The following ZNF541 variants were observed in gnomAD, a reference collection of about 807,000 sequenced individuals.
ZNF541 encodes zinc finger protein 541.
Under a neutral mutation model 123.5 loss-of-function variants are expected in ZNF541, and 23 were observed. The ratio of observed to expected loss-of-function variants is 0.19; its 90% CI spans 0.13 to 0.26. The LOEUF is 0.26. Ranked by LOEUF, ZNF541 falls within the 10% of genes least tolerant of loss-of-function variation. The pLI, the probability that ZNF541 is intolerant of heterozygous loss-of-function variation, is 1.00. For missense variants in ZNF541, 1,612 were observed against 1,789.9 expected (o/e 0.90, Z 1.79); for synonymous variants, 751 against 754.5 (o/e 1.00, Z 0.08).
In ZNF541 at chr19:47,540,281, G is replaced by A. The variant is rs1346246136; in HGVS notation, c.2517C>T (p.Val839=). 1 of 1,552,040 alleles carries A rather than the reference G, an allele frequency of 6.4e-7. No homozygotes were observed. The highest frequency in any genetic ancestry group is 2.0e-5 in the Admixed American group (1 of 51,000). Residue 839 remains valine (V), a synonymous_variant, in exon 7 of 17, where the codon GTC becomes GTT. Transcript: ENST00000391901. ...TDWTKPRSTF[V]CKNCSQMFYT... is the part of the protein sequence containing the mutation. ...AAAACATCTGGCTGCAGTTCTTGCA[G>A]ACAAAAGTGCTCCTGGGCTTCGTCC...
At chr19:47,569,093 T>G (rs1380892299) in intron 2 of ZNF541, among the ~76,000 whole-genome samples, 1 of 152,154 alleles carries the variant, frequency 6.6e-6, no homozygotes, top group Admixed American at 6.6e-5. Context: ...TATATGGATT[T>G]CTGGTTTCTT....
intron 5 of ZNF541, among the ~76,000 whole-genome samples, chr19:47,541,791 G>A (rs992249768): frequency 6.6e-6 from 1 of 152,220 alleles, no homozygotes; most frequent in African/African-American, 2.4e-5. Flanking sequence ...AGAATGTGGA[G>A]CCCTCATACA....
In ZNF541 at chr19:47,539,837, C is replaced by T. The variant is rs1056915684; in HGVS notation, c.2664G>A (p.Leu888=). The change falls in exon 8 of 17, where the codon CTG becomes CTA. Residue 888 remains leucine, a synonymous_variant. Coordinates refer to ENST00000391901, the MANE Select transcript of ZNF541 (RefSeq NM_001277075.3). The part of the protein sequence containing the change: ...TEFCKPLRQV[L]RPEGDRHSPP... ...GACTATGCCTGTCCCCTTCTGGCCT[C>T]AGCACCTGTCTTAGCGGCTTGCAAA... is the stretch of plus-strand genomic sequence containing the variant. 7 of 1,511,558 alleles carry T rather than the reference C, an allele frequency of 4.6e-6. No individual in the cohort carries two copies. Among genetic ancestry groups the T allele is most frequent in the East Asian group, 5.1e-5 (2 of 38,992 alleles). The allele number at this position is 1,511,558 out of a possible 1,614,324, so 93.6% of individuals were successfully genotyped here.
Position 47,545,902 on chromosome 19 carries a change from G to A in ZNF541, c.627C>T (p.Asp209=), listed in dbSNP as rs771890709. The change falls in exon 5 of 17, where the codon GAC becomes GAT. Residue 209 remains aspartate, a synonymous_variant. Coordinates refer to ENST00000391901, the MANE Select transcript of ZNF541 (RefSeq NM_001277075.3). This position sits in a 1 kb window ranked among gnomAD's most constrained non-coding sequence, Gnocchi z 7.5. ...CGTAGTGCCGGCGCAGAGAGCGGTA[G>A]TCGCAGTAGCTCTTGCTGCAGCCCT... is the stretch of plus-strand genomic sequence containing the variant. ...IEQGCSKSYC[D]YRSLRRHYEV... is the part of the protein sequence containing the mutation. The A allele has an allele frequency of 7.8e-6, 12 of 1,546,996 alleles. No individual in the cohort carries two copies. The highest frequency in any genetic ancestry group is 1.0e-5 in the Non-Finnish European group (12 of 1,144,816).
intron 2 of ZNF541, among the ~76,000 whole-genome samples, chr19:47,561,648 C>CT (rs1408589422): frequency 6.6e-6 from 1 of 151,950 alleles, no homozygotes; most frequent in Non-Finnish European, 1.5e-5. Context: ...TGTTAACCGC[C>CT]TGCCTGAGTG....
At chr19:47,546,551 CA>C (rs796607506) in intron 4 of ZNF541, among the ~76,000 whole-genome samples, 116 of 143,716 alleles carry the variant, frequency 8.1e-4, no homozygotes, top group African/African-American at 1.2e-3. Context: ...TTAAAAAATA[CA>C]AAAAAAAAAA....
chr19:47,535,780 T>C lies in ZNF541; in HGVS notation c.3094+2362A>G, dbSNP rs575861421. On this transcript the variant is annotated intron_variant, in intron 9 of 16. Transcript: ENST00000391901. ...CTCTTTCGCCCAGGCTAAAGTGAAATGGCATGGTCTCGGCTTACTGCAACC... is the reference window on the plus strand; with the variant it reads ...CTCTTTCGCCCAGGCTAAAGTGAAACGGCATGGTCTCGGCTTACTGCAACC... Among the ~76,000 whole-genome samples the C allele has an allele frequency of 3.0e-4, 45 of 149,016 alleles. No individual in the cohort carries two copies. The South Asian group carries it at 3.9e-3, about 13-fold the overall frequency.
intron 2 of ZNF541, among the ~76,000 whole-genome samples, chr19:47,566,823 G>A (rs540437652): frequency 2.6e-5 from 4 of 151,860 alleles, no homozygotes; most frequent in Admixed American, 6.6e-5. Context: ...AGGCTGAGGC[G>A]GGCGGATCAC....
intron 9 of ZNF541, among the ~76,000 whole-genome samples, chr19:47,536,635 C>A (rs1046182596): frequency 1.3e-5 from 2 of 152,144 alleles, no homozygotes; most frequent in African/African-American, 4.8e-5. Flanking sequence ...GGGTGCATGC[C>A]TGTAGGCCCA....
rs1273983237 is a variant in ZNF541, at chr19:47,546,464, A to T, written c.549-484T>A. 3.3e-5 allele frequency among the ~76,000 whole-genome samples: 5 copies of T among 151,536 alleles called. No homozygotes were observed. In the East Asian group the frequency reaches 9.9e-4, roughly 30 times the overall value. ...ATGAAGTGCATTGCAGTGAGCCGAG[A>T]TCACACCACTGCACTCCAGCCTGGG... On this transcript the variant is annotated intron_variant, in intron 4 of 16. Transcript: ENST00000391901.
chr19:47,545,239 C>T lies in ZNF541; in HGVS notation c.1290G>A (p.Val430=). The change falls in exon 5 of 17, where the codon GTG becomes GTA. Residue 430 remains valine (V), a synonymous_variant. Coordinates refer to ENST00000391901, the MANE Select transcript of ZNF541 (RefSeq NM_001277075.3). This position sits in a 1 kb window ranked among gnomAD's most constrained non-coding sequence, Gnocchi z 7.5. ...CGGCCGAGGGCTTGTGGACAACAAA[C>T]ACGTTGTTGCCTTTGCTTTTGGGAC... ...PGCPKSKGNN[V]FVVHKPSAVP... 1.3e-6 allele frequency: 2 copies of T among 1,547,476 alleles called. No individual in the cohort carries two copies. The highest frequency in any genetic ancestry group is 2.4e-5 in the South Asian group (2 of 83,978).
chr19:47,549,302 T>C lies in ZNF541; in HGVS notation c.491A>G (p.Gln164Arg). The change falls in exon 4 of 17, where the codon CAG becomes CGG. Residue 164 changes from glutamine (Q) to arginine (R), a missense_variant. Physicochemically the swap from Gln to Arg is conservative, Grantham distance 43. Coordinates refer to ENST00000391901, the MANE Select transcript of ZNF541 (RefSeq NM_001277075.3). ...SLSKHYLTHSQERKHVCKICS... is the reference protein window; with the variant it reads ...SLSKHYLTHSRERKHVCKICS... ...GATTTTGCAGACGTGCTTCCTTTCC[T>C]GGCTGTGTGTCAGGTAGTGCTTGCT... 1.3e-6 allele frequency: 2 copies of C among 1,551,952 alleles called. No homozygotes were observed. The highest frequency in any genetic ancestry group is 1.7e-6 in the Non-Finnish European group (2 of 1,147,040).
Position 47,540,931 on chromosome 19 carries a change from G to C in ZNF541, c.2424C>G (p.Leu808=). The C allele has an allele frequency of 1.3e-6, 2 of 1,550,926 alleles. No homozygotes were observed. The highest frequency in any genetic ancestry group is 1.7e-6 in the Non-Finnish European group (2 of 1,146,750). The change falls in exon 6 of 17, where the codon CTC becomes CTG. Residue 808 remains leucine, a synonymous_variant. Coordinates refer to ENST00000391901, the MANE Select transcript of ZNF541 (RefSeq NM_001277075.3). ...SRIQGGNIYR[L]PHPVKEENVA... ...CATTCTCTTCCTTCACCGGATGGGG[G>C]AGCCTGTAGATGTTTCCACCCTGAA...
Position 47,545,296 on chromosome 19 carries a change from G to C in ZNF541, c.1233C>G (p.His411Gln), listed in dbSNP as rs1970289316. 1 of 1,549,628 alleles carries C rather than the reference G, an allele frequency of 6.5e-7. No homozygotes were observed. The highest frequency in any genetic ancestry group is 8.7e-7 in the Non-Finnish European group (1 of 1,146,770). ...GCAGGTTCCGGAGCCACTGGAAGCT[G>C]TGGCTCGATGGCTGGGAACTGGCAG... ...TVPASSQPSS[H>Q]SFQWLRNLPG... The change falls in exon 5 of 17, where the codon CAC (histidine) becomes CAG (glutamine). Residue 411 changes from histidine (H) to glutamine (Q), a missense_variant. His to Gln is a conservative substitution (Grantham distance 24). Coordinates refer to ENST00000391901, the MANE Select transcript of ZNF541 (RefSeq NM_001277075.3). This position sits in a 1 kb window ranked among gnomAD's most constrained non-coding sequence, Gnocchi z 7.5.
chr19:47,564,353 C>T (rs1971181361), intron 2 of ZNF541, among the ~76,000 whole-genome samples: 1 of 152,212 alleles, frequency 6.6e-6, no homozygotes, highest in Non-Finnish European at 1.5e-5. Flanking sequence ...GACAGTAAAG[C>T]AAAACCCTCT....
chr19:47,527,785 C>T (rs1159193026), intron 14 of ZNF541, among the ~76,000 whole-genome samples: 4 of 151,746 alleles, frequency 2.6e-5, no homozygotes, highest in Admixed American at 6.6e-5. Context: ...CCGCAACCTC[C>T]GCTTCCCGGG....
At chr19:47,538,090 C>A in intron 9 of ZNF541, 52 bp downstream of exon 9, 1 of 1,540,728 alleles carries the variant, frequency 6.5e-7, no homozygotes, top group South Asian at 1.2e-5. Context: ...TGGCTGTGGT[C>A]CGCAGGCAAT....
chr19:47,560,212 G>A (rs1971004900), intron 2 of ZNF541, among the ~76,000 whole-genome samples: 1 of 152,120 alleles, frequency 6.6e-6, no homozygotes, highest in African/African-American at 2.4e-5. Flanking sequence ...ATTGATTGGG[G>A]CAAACAACTG....
chr19:47,533,586 T>C (rs1241149538), intron 9 of ZNF541, among the ~76,000 whole-genome samples: 1 of 152,020 alleles, frequency 6.6e-6, no homozygotes, highest in Non-Finnish European at 1.5e-5. Flanking sequence ...CTCACGCCTG[T>C]AATCCCAGCA....
Sources: allele counts gnomAD v4.1 joint callset (sites outside exome capture counted in the v4.1 genomes callset), GRCh38; gene constraint gnomAD v4.1.1; non-coding constraint Gnocchi (gnomAD v3.1); transcripts MANE v1.5; gene names NCBI Gene and HGNC (gene_info 2026-07-23, HGNC 2026-07-21).